Variants in ATP9B observed in about 807,000 individuals in gnomAD.
ATP9B encodes the protein probable phospholipid-transporting ATPase IIB.
In ATP9B, 110 loss-of-function variants were observed where a neutral mutation model predicts 146.1. That is an observed-to-expected ratio of 0.75 (90% CI 0.65 to 0.88). The LOEUF (loss-of-function observed/expected upper bound fraction) is 0.88. Ranked by LOEUF, ATP9B falls within the 40% of genes least tolerant of loss-of-function variation. The probability of loss-of-function intolerance (pLI) is 0.00; values close to 1 mark genes in which losing one functional copy is unlikely to be tolerated. For synonymous variants in ATP9B, 604 were observed against 569.7 expected, an observed-to-expected ratio of 1.06 and a Z score of -0.86; for missense variants, 1,499 against 1,496.4, an observed-to-expected ratio of 1.00 and a Z score of -0.03.
intron 7 of ATP9B, among the ~76,000 whole-genome samples, chr18:79,164,512 G>A (rs1339390489): frequency 6.6e-6 from 1 of 152,002 alleles, no homozygotes; most frequent in Non-Finnish European, 1.5e-5. Flanking sequence ...TCAGGAGATC[G>A]GGACCATCCT....
chr18:79,069,662 C>T (rs1057330314), intron 1 of ATP9B, 133 bp downstream of exon 1: 4 of 538,472 alleles, frequency 7.4e-6, no homozygotes, highest in African/African-American at 2.0e-5. Flanking sequence ...AGCCGGGAGT[C>T]CTTGGCGTTC....
chr18:79,364,547 C>T (rs1218447451), intron 26 of ATP9B, among the ~76,000 whole-genome samples: 1 of 152,186 alleles, frequency 6.6e-6, no homozygotes, highest in African/African-American at 2.4e-5. Flanking sequence ...ACCTCCACCT[C>T]ACACTTCATG....
chr18:79,131,535 G>A (rs2094378508), intron 5 of ATP9B, among the ~76,000 whole-genome samples: 1 of 152,192 alleles, frequency 6.6e-6, no homozygotes, highest in Non-Finnish European at 1.5e-5. Flanking sequence ...GTGCTGGAGA[G>A]GATCTGGAGA....
chr18:79,279,366 C>T (rs1193742075), intron 13 of ATP9B, among the ~76,000 whole-genome samples: 2 of 152,164 alleles, frequency 1.3e-5, no homozygotes, highest in African/African-American at 4.8e-5. Flanking sequence ...AGAAGAAACC[C>T]ACCCCAGCTT....
chr18:79,185,321 T>G (rs1021733607), intron 8 of ATP9B, among the ~76,000 whole-genome samples: 24 of 150,688 alleles, frequency 1.6e-4, no homozygotes, highest in Non-Finnish European at 1.5e-5. Context: ...AAGTGACATT[T>G]TATTATCTTC....
chr18:79,206,785 TC>T, intron 9 of ATP9B, 151 bp from the exon 10 acceptor site: 1 of 608,822 alleles, frequency 1.6e-6, no homozygotes, highest in Non-Finnish European at 2.8e-6. Context: ...TTTTTTATAG[TC>T]CCTTTTTTCT....
At chr18:79,257,024 G>C (rs1247122634) in intron 12 of ATP9B, among the ~76,000 whole-genome samples, 1 of 152,176 alleles carries the variant, frequency 6.6e-6, no homozygotes, top group Admixed American at 6.5e-5. Context: ...TCTTGGCCGG[G>C]CGCAGGGGCT....
chr18:79,360,858 T>C (rs1377335625), intron 26 of ATP9B: 1 of 152,198 alleles, frequency 6.6e-6, no homozygotes, highest in Non-Finnish European at 1.5e-5. Context: ...CAAGACCGCT[T>C]AAGTATCTTA....
intron 9 of ATP9B, 93 bp from the exon 10 acceptor site, chr18:79,206,844 C>T (rs2095538907): frequency 7.7e-6 from 9 of 1,171,288 alleles, no homozygotes; most frequent in Admixed American, 2.0e-5. Flanking sequence ...TTGGATTGAG[C>T]TTGTGGACCT....
intron 11 of ATP9B, among the ~76,000 whole-genome samples, chr18:79,220,001 A>G (rs530104327): frequency 6.6e-6 from 1 of 152,294 alleles, no homozygotes; most frequent in Admixed American, 6.5e-5. Flanking sequence ...TAACCAGGAT[A>G]TGGCTGTTCT....
intron 8 of ATP9B, among the ~76,000 whole-genome samples, chr18:79,180,598 AAC>A (rs1439204573): frequency 2.6e-5 from 4 of 152,164 alleles, no homozygotes; most frequent in East Asian, 1.9e-4. Context: ...AAAAAATGAA[AAC>A]AGTCTTTTCT....
intron 1 of ATP9B, among the ~76,000 whole-genome samples, chr18:79,091,055 A>G (rs1202699101): frequency 1.3e-5 from 2 of 152,046 alleles, no homozygotes; most frequent in Non-Finnish European, 2.9e-5. Flanking sequence ...TCCCCAGTAT[A>G]TGTTCTTGGC....
At chr18:79,158,351 A>C (rs1171000931) in intron 7 of ATP9B, among the ~76,000 whole-genome samples, 1 of 151,964 alleles carries the variant, frequency 6.6e-6, no homozygotes. Context: ...ATAGTTCACT[A>C]TGATGATCAC....
intron 7 of ATP9B, among the ~76,000 whole-genome samples, chr18:79,174,677 TATTA>T (rs1219049022): frequency 6.6e-6 from 1 of 152,230 alleles, no homozygotes; most frequent in African/African-American, 2.4e-5. Context: ...ACAACCATGT[TATTA>T]ATTAATACAT....
At position 79,220,376 on chromosome 18, in the gene ATP9B, G is replaced by A. The variant is rs139898998; in HGVS notation, c.1107+6338G>A. On this transcript the variant is annotated intron_variant, in intron 11 of 29. Coordinates refer to ENST00000426216, the MANE Select transcript of ATP9B (RefSeq NM_198531.5). ...AACATTTAGGGAGGCTGAGGCGGCC[G>A]GATTTCTTGAGCCCAGGAGTTCGAG... 2.4e-3 allele frequency among the ~76,000 whole-genome samples: 370 copies of A among 152,228 alleles called. 2 individuals are homozygous for A. Among genetic ancestry groups the A allele is most frequent in the South Asian group, 6.2e-3 (30 of 4,822 alleles).
rs182256890 is a variant in ATP9B, at chr18:79,227,220, C to G, written c.1107+13182C>G. Among the ~76,000 whole-genome samples, 3 of 152,148 alleles carry G rather than the reference C, an allele frequency of 2.0e-5. No individual in the cohort carries two copies. In the East Asian group the frequency reaches 5.8e-4, roughly 29 times the overall value. Reference sequence around the variant, plus strand: ...CTTCCACAGACAGATGTTCCAGACTCATCTTGTACTTTCTTTGCTCCAGCC... The same window carrying G: ...CTTCCACAGACAGATGTTCCAGACTGATCTTGTACTTTCTTTGCTCCAGCC... On this transcript the variant is annotated intron_variant, in intron 11 of 29. Transcript: ENST00000426216.
intron 8 of ATP9B, among the ~76,000 whole-genome samples, chr18:79,190,973 G>A (rs1452404223): frequency 6.6e-6 from 1 of 152,084 alleles, no homozygotes; most frequent in Non-Finnish European, 1.5e-5. Context: ...GTTTCTGCCT[G>A]ATATTGTTTC....
chr18:79,179,475 ATAAT>A (rs1021647746), intron 8 of ATP9B, among the ~76,000 whole-genome samples: 37 of 152,290 alleles, frequency 2.4e-4, no homozygotes, highest in African/African-American at 6.3e-4. Context: ...TTAGTTAAAA[ATAAT>A]TAATAATTTA....
chr18:79,187,284 G>A (rs2095316281), intron 8 of ATP9B, among the ~76,000 whole-genome samples: 1 of 152,180 alleles, frequency 6.6e-6, no homozygotes, highest in South Asian at 2.1e-4. Context: ...CCTCACAGTA[G>A]CCCAGGTGGG....
Sources: allele counts gnomAD v4.1 joint callset (sites outside exome capture counted in the v4.1 genomes callset), GRCh38; gene constraint gnomAD v4.1.1; transcripts MANE v1.5; gene names NCBI Gene and HGNC (gene_info 2026-07-23, HGNC 2026-07-21).